The following AGTPBP1 variants were observed in gnomAD, a reference collection of about 807,000 sequenced individuals.
AGTPBP1 encodes cytosolic carboxypeptidase 1.
AGTPBP1 carries 70 observed loss-of-function variants against 143.9 expected under a neutral mutation model. The ratio of observed to expected loss-of-function variants is 0.49; its 90% CI spans 0.40 to 0.59. The LOEUF (loss-of-function observed/expected upper bound fraction) is 0.59. AGTPBP1 is among the 20% of genes least tolerant of loss of function. The pLI, the probability that AGTPBP1 is intolerant of heterozygous loss-of-function variation, is 0.00. For synonymous variants in AGTPBP1, 463 were observed against 500.2 expected (o/e 0.93, Z 0.99); for missense variants, 1,229 against 1,464.5 (o/e 0.84, Z 2.62).
intron 1 of AGTPBP1, among the ~76,000 whole-genome samples, chr9:85,726,876 A>T (rs1474528596): frequency 6.6e-6 from 1 of 152,218 alleles, no homozygotes; most frequent in Non-Finnish European, 1.5e-5. Context: ...AAAGTCACAC[A>T]ATTGGTGGTG....
chr9:85,664,654 TC>T (rs1834030065), intron 8 of AGTPBP1, among the ~76,000 whole-genome samples: 1 of 152,114 alleles, frequency 6.6e-6, no homozygotes, highest in Non-Finnish European at 1.5e-5. Flanking sequence ...AGTAAACCCC[TC>T]TTCCTATGGT....
Position 85,655,328 on chromosome 9 carries a change from T to C in AGTPBP1, c.910-8A>G. ...CCTGACTGCCAGACATTCCTGTTTT[T>C]TAAAAAAAGAAAAAGAAAAAGAATG... On this transcript the variant is annotated splice_polypyrimidine_tract_variant and splice_region_variant and intron_variant, in intron 10 of 25. Coordinates refer to ENST00000357081, the MANE Select transcript of AGTPBP1 (RefSeq NM_001330701.2). 1 of 1,472,532 alleles carries C rather than the reference T, an allele frequency of 6.8e-7. No individual in the cohort carries two copies. The highest frequency in any genetic ancestry group is 9.0e-7 in the Non-Finnish European group (1 of 1,111,748). 91.2% of individuals were successfully genotyped at this position (1,472,532 alleles called of 1,614,324 possible). A position where few individuals can be genotyped will look rare whatever the true frequency, so the allele number is the denominator to read the frequency against.
intron 25 of AGTPBP1, among the ~76,000 whole-genome samples, chr9:85,572,004 G>GTTTTTTTTTTTTTTTTTTTT (rs55882437): frequency 6.9e-5 from 3 of 43,486 alleles, no homozygotes; most frequent in Admixed American, 3.3e-4. Flanking sequence ...GTTTGTGTGT[G>GTTTTTTTTTTTTTTTTTTTT]TTTTTTTTTT....
In AGTPBP1 at chr9:85,657,707, C is replaced by A; in HGVS notation, c.701-64G>T. On this transcript the variant is annotated intron_variant, in intron 9 of 25. Transcript: ENST00000357081. ...TGACGAGAGTGAGTGGTAGAATAAT[C>A]AAATTTAAAATATTACCTCAATATT... The A allele has an allele frequency of 3.3e-6, 4 of 1,219,034 alleles. No homozygotes were observed. The South Asian group carries it at 4.6e-5, about 14-fold the overall frequency. 75.5% of individuals were successfully genotyped at this position (1,219,034 alleles called of 1,614,324 possible). A position where few individuals can be genotyped will look rare whatever the true frequency, so the allele number is the denominator to read the frequency against.
the AGTPBP1 span, chr9:85,764,583 A>G: frequency 0.011 from 5,973 of 546,732 alleles, 162 homozygotes; most frequent in East Asian, 0.089. Flanking sequence ...TCCATGGGAG[A>G]AAACAATAAT....
intron 25 of AGTPBP1, among the ~76,000 whole-genome samples, chr9:85,566,515 T>A (rs10780730): frequency 7.5e-6 from 1 of 132,746 alleles, no homozygotes; most frequent in African/African-American, 2.9e-5. Context: ...GGGCAACAGA[T>A]CAAGACCATG....
At chr9:85,648,798 C>G (rs556158215) in intron 11 of AGTPBP1, among the ~76,000 whole-genome samples, 1 of 151,728 alleles carries the variant, frequency 6.6e-6, no homozygotes, top group African/African-American at 2.4e-5. Flanking sequence ...GGCAACAGTG[C>G]GAGACTCCGT....
At chr9:85,623,075 C>T (rs985880628) in intron 14 of AGTPBP1, among the ~76,000 whole-genome samples, 19 of 152,054 alleles carry the variant, frequency 1.2e-4, no homozygotes, top group Admixed American at 3.9e-4. Context: ...AGCTCGGGCC[C>T]GACAGGGGCC....
intron 11 of AGTPBP1, among the ~76,000 whole-genome samples, chr9:85,651,379 G>T (rs1363288108): frequency 6.6e-6 from 1 of 152,084 alleles, no homozygotes; most frequent in Non-Finnish European, 1.5e-5. Context: ...TTTTAGAAAT[G>T]CAAGAACAGT....
rs778536480 is a variant in AGTPBP1 at position 85,633,199 on chromosome 9, G to A, written c.1478C>T (p.Thr493Ile). The change falls in exon 14 of 26, where the codon ACC becomes ATC. Residue 493 changes from threonine to isoleucine, a missense_variant. Around this residue, in one of 2 missense-constraint regions of AGTPBP1, gnomAD observed 743 missense variants for 812.2 expected, o/e 0.91. Transcript: ENST00000357081. ...ATCTTCTTTTGCTAGATCCATAAAG[G>A]TAGACTTCTTTTCACCTTCATCTCC... is the stretch of plus-strand genomic sequence containing the variant. The part of the protein sequence containing the change: ...SKGDEGEKKS[T>I]FMDLAKEDIK... 8 of 1,613,330 alleles carry A rather than the reference G, an allele frequency of 5.0e-6. No individual in the cohort carries two copies. The East Asian group carries it at 1.3e-4, about 27-fold the overall frequency.
chr9:85,762,317 C>T, the AGTPBP1 span, among the ~76,000 whole-genome samples: 8 of 152,262 alleles, frequency 5.3e-5, no homozygotes, highest in East Asian at 1.2e-3. Context: ...AAGACACATG[C>T]ACACATATGT....
chr9:85,641,315 G>A (rs752516169), intron 13 of AGTPBP1, among the ~76,000 whole-genome samples: 1 of 152,100 alleles, frequency 6.6e-6, no homozygotes, highest in Non-Finnish European at 1.5e-5. Context: ...CCTTGATTTA[G>A]CAGTATTTGT....
intron 17 of AGTPBP1, among the ~76,000 whole-genome samples, chr9:85,614,230 T>C (rs563632442): frequency 6.6e-6 from 1 of 151,854 alleles, no homozygotes; most frequent in Non-Finnish European, 1.5e-5. Context: ...AGACACACAA[T>C]ATAGCTATGA....
chr9:85,711,519 A>G (rs1837368305), intron 2 of AGTPBP1, among the ~76,000 whole-genome samples: 1 of 149,632 alleles, frequency 6.7e-6, no homozygotes, highest in Non-Finnish European at 1.5e-5. Flanking sequence ...GGCTCACTGC[A>G]ACCTCTGACT....
intron 3 of AGTPBP1, among the ~76,000 whole-genome samples, chr9:85,684,721 C>G (rs755825128): frequency 1.6e-4 from 25 of 152,112 alleles, no homozygotes; most frequent in Non-Finnish European, 3.2e-4. Flanking sequence ...AACTTCCTAA[C>G]ACTTAGCACT....
chr9:85,775,041 C>A, the AGTPBP1 span, among the ~76,000 whole-genome samples: 1 of 152,100 alleles, frequency 6.6e-6, no homozygotes, highest in African/African-American at 2.4e-5. Flanking sequence ...GGTGGCTCAT[C>A]CCTGTAATCC....
intron 13 of AGTPBP1, among the ~76,000 whole-genome samples, chr9:85,642,065 C>G (rs879474789): frequency 1.3e-5 from 2 of 152,036 alleles, no homozygotes; most frequent in Non-Finnish European, 2.9e-5. Flanking sequence ...AAGTATTTTT[C>G]TTTAAGCAAC....
chr9:85,749,732 G>T, the AGTPBP1 span, among the ~76,000 whole-genome samples: 1 of 152,070 alleles, frequency 6.6e-6, no homozygotes, highest in East Asian at 1.9e-4. Context: ...ATTGTTGTGA[G>T]GGCTAAATGG....
At chr9:85,620,421 A>G (rs1009255491) in intron 15 of AGTPBP1, among the ~76,000 whole-genome samples, 2 of 84,966 alleles carry the variant, frequency 2.4e-5, no homozygotes, top group Non-Finnish European at 4.4e-5. Context: ...GACTTCATCT[A>G]AAAAAAAAAA....
Sources: gnomAD v4.1 joint callset for allele counts (sites outside exome capture counted in the v4.1 genomes callset) on GRCh38, gnomAD v4.1.1 for gene constraint, gnomAD v4.1.1 regional missense constraint, MANE v1.5 for transcripts, NCBI Gene and HGNC (gene_info 2026-07-23, HGNC 2026-07-21) for gene names.